The following TMCC2 variants were observed in gnomAD, a reference collection of about 807,000 sequenced individuals.
The protein encoded by TMCC2 is transmembrane and coiled-coil domains protein 2.
Under a neutral mutation model 49.4 loss-of-function variants are expected in TMCC2, and 16 were observed. The ratio of observed to expected loss-of-function variants is 0.32; its 90% CI spans 0.22 to 0.49. The LOEUF (loss-of-function observed/expected upper bound fraction) is 0.49, where lower values mean the gene tolerates loss of function less well. Among genes scored for constraint, TMCC2 ranks in the 20% least tolerant of loss-of-function variants. The pLI is 0.99. For synonymous variants in TMCC2, 397 were observed against 434.1 expected (o/e 0.91, Z 1.06); for missense variants, 762 against 989.8 (o/e 0.77, Z 3.09).
intron 1 of TMCC2, chr1:205,236,794 A>AGGT (rs1660068212): frequency 6.6e-6 from 1 of 152,304 alleles, no homozygotes; most frequent in Non-Finnish European, 1.5e-5. Flanking sequence ...TGGAGTGGCG[A>AGGT]GGTGGTGAAG....
Position 205,265,561 on chromosome 1 carries a change from T to C in TMCC2, c.748-3389T>C, listed in dbSNP as rs559601113. On this transcript the variant is annotated intron_variant, in intron 2 of 4. Transcript: ENST00000358024. ...AGCCAGACTCAGAACCCATTTTCTT[T>C]TCTTTTTTTTTTTTTTTTGAGACGG... Among the ~76,000 whole-genome samples the C allele has an allele frequency of 1.2e-4, 18 of 151,768 alleles. 1 individual carries two copies. Among genetic ancestry groups the C allele is most frequent in the African/African-American group, 4.1e-4 (17 of 41,320 alleles).
chr1:205,271,911 G>A lies in TMCC2; in HGVS notation c.1917G>A (p.Ala639=), dbSNP rs150409508. 1.3e-4 allele frequency: 208 copies of A among 1,614,188 alleles called. No homozygotes were observed. In the East Asian group the frequency reaches 2.5e-3, roughly 19 times the overall value. The change falls in exon 5 of 5, where the codon GCG becomes GCA. Residue 639 remains alanine, a synonymous_variant. Transcript: ENST00000358024. ...TGGAGGGCGTGGAGAATGCCAACGCGCGGGCGCTGCTGGGCAAGTTCATCA... is the reference window on the plus strand; with the variant it reads ...TGGAGGGCGTGGAGAATGCCAACGCACGGGCGCTGCTGGGCAAGTTCATCA... ...VQLEGVENAN[A]RALLGKFINV... is the part of the protein sequence containing the mutation.
chr1:205,256,178 G>A (rs1222248988), intron 2 of TMCC2: 15 of 1,443,038 alleles, frequency 1.0e-5, no homozygotes, highest in Non-Finnish European at 1.8e-6. Flanking sequence ...CAGTATTTAA[G>A]CCTGGAGTTC....
chr1:205,229,444 C>G (rs1659692750), intron 1 of TMCC2, among the ~76,000 whole-genome samples: 1 of 149,634 alleles, frequency 6.7e-6, no homozygotes, highest in South Asian at 2.1e-4. Context: ...CCTCGGCCTT[C>G]CTAAGTGCTG....
intron 2 of TMCC2, among the ~76,000 whole-genome samples, chr1:205,244,665 C>T (rs778469015): frequency 6.6e-6 from 1 of 152,036 alleles, no homozygotes; most frequent in Admixed American, 6.6e-5. Flanking sequence ...CAGAGCTGAA[C>T]GATTATCAGG....
chr1:205,255,268 A>G (rs770265593), intron 2 of TMCC2, among the ~76,000 whole-genome samples: 1 of 151,564 alleles, frequency 6.6e-6, no homozygotes, highest in Non-Finnish European at 1.5e-5. Context: ...GAGAAGGGGT[A>G]TCTTGGCCGG....
rs188319851 is a variant in TMCC2, at chr1:205,249,019, T to A, written c.747+6975T>A. On this transcript the variant is annotated intron_variant, in intron 2 of 4. Transcript: ENST00000358024. ...GGGCTTCTGGACAGCTTCAGGAGACTCTGTGGAGGTGCTGGGGACAGGAGG... is the reference window on the plus strand; with the variant it reads ...GGGCTTCTGGACAGCTTCAGGAGACACTGTGGAGGTGCTGGGGACAGGAGG... Among the ~76,000 whole-genome samples the A allele has an allele frequency of 6.1e-4, 93 of 152,182 alleles. 2 individuals are homozygous for A. The East Asian group carries it at 0.017, about 28-fold the overall frequency.
At chr1:205,266,613 A>G (rs1347715240) in intron 2 of TMCC2, among the ~76,000 whole-genome samples, 1 of 151,862 alleles carries the variant, frequency 6.6e-6, no homozygotes, top group Non-Finnish European at 1.5e-5. Context: ...AAACAAATAA[A>G]AAAAAAAAAA....
intron 2 of TMCC2, among the ~76,000 whole-genome samples, chr1:205,266,622 A>C (rs537250969): frequency 2.0e-5 from 3 of 152,238 alleles, no homozygotes; most frequent in East Asian, 3.9e-4. Context: ...AAAAAAAAAA[A>C]ACCGTTAATT....
At chr1:205,251,108 G>A (rs1660651377) in intron 2 of TMCC2, among the ~76,000 whole-genome samples, 1 of 152,170 alleles carries the variant, frequency 6.6e-6, no homozygotes, top group Admixed American at 6.5e-5. Flanking sequence ...GGCTTTCTCT[G>A]TATATCCCAC....
At chr1:205,270,054 T>A (rs1661520107) in intron 3 of TMCC2, among the ~76,000 whole-genome samples, 170 bp downstream of exon 3, 1 of 138,430 alleles carries the variant, frequency 7.2e-6, no homozygotes, top group Non-Finnish European at 1.7e-5. Flanking sequence ...TTTTTCCTTC[T>A]GTATTTTTTG....
At chr1:205,253,400 G>C (rs1441826659) in intron 2 of TMCC2, among the ~76,000 whole-genome samples, 2 of 152,160 alleles carry the variant, frequency 1.3e-5, no homozygotes, top group Non-Finnish European at 2.9e-5. Flanking sequence ...CTTCCTTCCA[G>C]TCCACCCTTC....
At chr1:205,235,222 A>G (rs933091146) in intron 1 of TMCC2, among the ~76,000 whole-genome samples, 2 of 151,616 alleles carry the variant, frequency 1.3e-5, no homozygotes, top group African/African-American at 4.8e-5. Flanking sequence ...TATTCAGAGC[A>G]GCCCTCTATG....
chr1:205,269,757 CT>C lies in TMCC2; in HGVS notation c.1556del (p.Leu519ArgfsTer22). ...TGGTGCTCCTGGAAACCTGGATGCT[CT>C]GCTGGAAGAGCTACGGGAGATCAAG... is the stretch of plus-strand genomic sequence containing the variant. ...LYGAPGNLDA[L>X]LEELREIKEG... On this transcript the variant is annotated frameshift_variant, in exon 3 of 5. Transcript: ENST00000358024. LOFTEE classifies it high-confidence loss of function. 6.2e-7 allele frequency: 1 copy of C among 1,614,198 alleles called. No individual in the cohort carries two copies. The highest frequency in any genetic ancestry group is 8.5e-7 in the Non-Finnish European group (1 of 1,180,024).
At position 205,241,743 on chromosome 1, in the gene TMCC2, A is replaced by T; in HGVS notation, c.446A>T (p.Asn149Ile). The T allele has an allele frequency of 6.2e-7, 1 of 1,612,934 alleles. No homozygotes were observed. Among genetic ancestry groups the T allele is most frequent in the Admixed American group, 1.7e-5 (1 of 59,994 alleles). The change falls in exon 2 of 5, where the codon AAC (asparagine) becomes ATC (isoleucine). Residue 149 changes from asparagine to isoleucine, a missense_variant. Transcript: ENST00000358024. The surrounding 1 kb of genome is among the most constrained non-coding windows in gnomAD (Gnocchi z 7.3). Reference sequence around the variant, plus strand: ...CTGCCCGCCCGGCCCACCGCCTTCAACCGCGTGCTGCAGCAGATCCGCTCC... The same window carrying T: ...CTGCCCGCCCGGCCCACCGCCTTCATCCGCGTGCTGCAGCAGATCCGCTCC... ...HDLPARPTAF[N>I]RVLQQIRSRP...
At chr1:205,266,438 A>G (rs1013938802) in intron 2 of TMCC2, among the ~76,000 whole-genome samples, 1 of 150,692 alleles carries the variant, frequency 6.6e-6, no homozygotes, top group African/African-American at 2.4e-5. Context: ...TAAAAATACA[A>G]AAAAATTAGC....
At chr1:205,246,301 G>A (rs887869824) in intron 2 of TMCC2, among the ~76,000 whole-genome samples, 8 of 137,468 alleles carry the variant, frequency 5.8e-5, no homozygotes, top group Non-Finnish European at 1.3e-4. Flanking sequence ...GGGGTGTGAG[G>A]TGGGGGCGGG....
intron 1 of TMCC2, among the ~76,000 whole-genome samples, chr1:205,234,709 G>C (rs552011741): frequency 6.6e-6 from 1 of 151,998 alleles, no homozygotes; most frequent in Non-Finnish European, 1.5e-5. Context: ...TCTCAGGCTG[G>C]AGTGCAGTGG....
chr1:205,239,007 G>A lies in TMCC2; in HGVS notation c.208-2498G>A, dbSNP rs116588956. 1.2e-3 allele frequency among the ~76,000 whole-genome samples: 182 copies of A among 152,276 alleles called. 1 individual carries two copies. Among genetic ancestry groups the A allele is most frequent in the African/African-American group, 3.9e-3 (164 of 41,550 alleles). ...GCTCCAAGGCAATATGGCAGACATC[G>A]GTGGCCACCGTAGCTCTCCCCAGCA... On this transcript the variant is annotated intron_variant, in intron 1 of 4. Coordinates refer to ENST00000358024, the MANE Select transcript of TMCC2 (RefSeq NM_014858.4).
Sources: gnomAD v4.1 joint callset for allele counts (sites outside exome capture counted in the v4.1 genomes callset) on GRCh38, gnomAD v4.1.1 for gene constraint, Gnocchi (gnomAD v3.1) non-coding constraint, MANE v1.5 for transcripts, NCBI Gene and HGNC (gene_info 2026-07-23, HGNC 2026-07-21) for gene names.